EZH2: variants seen among roughly 807,000 people sequenced by gnomAD.
EZH2 encodes enhancer of zeste 2 polycomb repressive complex 2 subunit.
Under a neutral mutation model 98.4 loss-of-function variants are expected in EZH2, and 18 were observed. That is an observed-to-expected ratio of 0.18 (90% CI 0.13 to 0.27). The LOEUF is 0.27. Ranked by LOEUF, EZH2 falls within the 10% of genes least tolerant of loss-of-function variation. EZH2 has a pLI of 1.00. For missense variants in EZH2, 470 were observed against 935.1 expected (o/e 0.50, Z 6.49); for synonymous variants, 338 against 312.3 (o/e 1.08, Z -0.87).
intron 8 of EZH2, among the ~76,000 whole-genome samples, chr7:148,822,912 A>T (rs951398929): frequency 6.6e-6 from 1 of 152,232 alleles, no homozygotes; most frequent in African/African-American, 2.4e-5. Flanking sequence ...ACTGCACTCC[A>T]GCCTGGGCGA....
At chr7:148,822,194 T>C (rs573046497) in intron 8 of EZH2, among the ~76,000 whole-genome samples, 1 of 152,314 alleles carries the variant, frequency 6.6e-6, no homozygotes, top group African/African-American at 2.4e-5. Flanking sequence ...AGCTAACTGA[T>C]AAATTCAACT....
At position 148,810,066 on chromosome 7, in the gene EZH2, A is replaced by T. The variant is rs558513458; in HGVS notation, c.2029+267T>A. On this transcript the variant is annotated intron_variant, in intron 17 of 19. Coordinates refer to ENST00000320356, the MANE Select transcript of EZH2 (RefSeq NM_004456.5). ...GAGGTGAGGTGAGCAGCAAGAGCAC[A>T]ACGTCCCCTTCACAGCCAGATGCTG... The T allele has an allele frequency of 4.9e-5, 17 of 349,024 alleles. No homozygotes were observed. In the South Asian group the frequency reaches 1.1e-3, roughly 22 times the overall value. The allele number at this position is 349,024 out of a possible 1,614,324, so 21.6% of individuals were successfully genotyped here.
chr7:148,829,929 A>G (rs1808864859), intron 4 of EZH2, 81 bp from the exon 5 acceptor site: 4 of 1,032,986 alleles, frequency 3.9e-6, no homozygotes, highest in Non-Finnish European at 5.5e-6. Flanking sequence ...CCTTTTTTTC[A>G]TGTGTACATG....
At chr7:148,838,157 C>T (rs1199393372) in intron 3 of EZH2, among the ~76,000 whole-genome samples, 2 of 139,744 alleles carry the variant, frequency 1.4e-5, no homozygotes, top group South Asian at 4.9e-4. Flanking sequence ...CAGCCTCAAA[C>T]TCCTGGGCTC....
chr7:148,830,838 A>G (rs181758787), intron 4 of EZH2, among the ~76,000 whole-genome samples: 1 of 152,362 alleles, frequency 6.6e-6, no homozygotes, highest in East Asian at 1.9e-4. Flanking sequence ...GAAGAATAAA[A>G]ATGACAGCAG....
chr7:148,817,832 G>A (rs755049494), intron 10 of EZH2, 45 bp downstream of exon 10: 8 of 1,613,280 alleles, frequency 5.0e-6, no homozygotes, highest in East Asian at 2.2e-5. Context: ...CTCACAACAC[G>A]AACTTTCACA....
At chr7:148,855,771 G>A (rs890471811) in intron 1 of EZH2, among the ~76,000 whole-genome samples, 1 of 151,750 alleles carries the variant, frequency 6.6e-6, no homozygotes, top group Non-Finnish European at 1.5e-5. Flanking sequence ...GGTGATGCAC[G>A]CCTGTAATCC....
intron 1 of EZH2, among the ~76,000 whole-genome samples, chr7:148,857,272 T>C (rs985739328): frequency 1.7e-4 from 26 of 152,160 alleles, no homozygotes; most frequent in East Asian, 1.9e-4. Flanking sequence ...TTAGGAGACA[T>C]GATAACTAAA....
At chr7:148,829,137 A>G (rs1339396256) in intron 5 of EZH2, among the ~76,000 whole-genome samples, 1 of 152,170 alleles carries the variant, frequency 6.6e-6, no homozygotes, top group Non-Finnish European at 1.5e-5. Context: ...TGAATCTTCT[A>G]GGAACTGATT....
In EZH2 at chr7:148,817,956, C is replaced by T. The variant is rs760581645; in HGVS notation, c.1161G>A (p.Arg387=). ...CTCCCCCCGTTTCAGTCCCTGCTTC[C>T]CTATCACTGTCTGTATCCTTTGATT... ...VLESKDTDSD[R]EAGTETGGEN... The change falls in exon 10 of 20, where the codon AGG becomes AGA. Residue 387 remains arginine (R), a synonymous_variant. Transcript: ENST00000320356. 6.2e-7 allele frequency: 1 copy of T among 1,614,098 alleles called. No individual in the cohort carries two copies. The highest frequency in any genetic ancestry group is 8.5e-7 in the Non-Finnish European group (1 of 1,180,008).
intron 1 of EZH2, among the ~76,000 whole-genome samples, chr7:148,882,178 GGT>G (rs1169069751): frequency 6.6e-6 from 1 of 151,976 alleles, no homozygotes; most frequent in Non-Finnish European, 1.5e-5. Context: ...CCCGTACAGT[GGT>G]GTCAACACTC....
chr7:148,833,370 T>C (rs1415710627), intron 3 of EZH2, among the ~76,000 whole-genome samples: 2 of 150,798 alleles, frequency 1.3e-5, no homozygotes, highest in African/African-American at 4.9e-5. Context: ...GGCAGGAGAA[T>C]GGCGTGAACC....
chr7:148,876,649 G>C (rs1820208791), intron 1 of EZH2, among the ~76,000 whole-genome samples: 1 of 152,146 alleles, frequency 6.6e-6, no homozygotes, highest in South Asian at 2.1e-4. Context: ...TTGGTTTGCT[G>C]CGTAATGCAC....
intron 19 of EZH2, among the ~76,000 whole-genome samples, chr7:148,808,275 G>A (rs752825393): frequency 2.6e-5 from 4 of 152,196 alleles, no homozygotes; most frequent in Admixed American, 1.3e-4. Flanking sequence ...TGAAGGCAGC[G>A]GCCTTTGCTA....
chr7:148,858,392 G>C (rs1351306021), intron 1 of EZH2, among the ~76,000 whole-genome samples: 1 of 151,996 alleles, frequency 6.6e-6, no homozygotes, highest in African/African-American at 2.4e-5. Flanking sequence ...CTGGAGTTCC[G>C]TGGCCCGACC....
chr7:148,873,664 T>A (rs1372367137), intron 1 of EZH2, among the ~76,000 whole-genome samples: 1 of 145,372 alleles, frequency 6.9e-6, no homozygotes, highest in Non-Finnish European at 1.5e-5. Flanking sequence ...ATCAATATCA[T>A]AACAGCAGCT....
chr7:148,883,667 G>A (rs1821364223), intron 1 of EZH2, among the ~76,000 whole-genome samples: 1 of 150,024 alleles, frequency 6.7e-6, no homozygotes, highest in Non-Finnish European at 1.5e-5. Flanking sequence ...CCTTCCCCTC[G>A]CGCCGAGCCC....
intron 1 of EZH2, among the ~76,000 whole-genome samples, chr7:148,863,811 A>AT (rs1210524803): frequency 1.3e-5 from 2 of 152,252 alleles, no homozygotes; most frequent in Non-Finnish European, 2.9e-5. Flanking sequence ...AAGAGGTATT[A>AT]TCAAGCAGTC....
chr7:148,810,125 G>C (rs1372332308), intron 17 of EZH2: 9 of 443,338 alleles, frequency 2.0e-5, no homozygotes, highest in African/African-American at 1.7e-4. Flanking sequence ...CGGGACTCCA[G>C]AGAGGCGGTT....
Sources: gnomAD v4.1 joint callset for allele counts (sites outside exome capture counted in the v4.1 genomes callset) on GRCh38, gnomAD v4.1.1 for gene constraint, MANE v1.5 for transcripts, NCBI Gene and HGNC (gene_info 2026-07-23, HGNC 2026-07-21) for gene names.